The following PARP8 variants were observed in gnomAD, a reference collection of about 807,000 sequenced individuals.
The protein encoded by PARP8 is protein mono-ADP-ribosyltransferase PARP8.
PARP8 carries 51 observed loss-of-function variants against 124.1 expected under a neutral mutation model. The observed-to-expected ratio is 0.41, with a 90% CI of 0.33 to 0.52. The LOEUF is 0.52. PARP8 is among the 20% of genes least tolerant of loss of function. PARP8 has a pLI of 0.21. For synonymous variants in PARP8, 391 were observed against 361.5 expected (o/e 1.08, Z -0.93); for missense variants, 860 against 1,018.9 (o/e 0.84, Z 2.12).
At chr5:50,744,860 T>A (rs1758386785) in intron 2 of PARP8, 2 of 678,664 alleles carry the variant, frequency 2.9e-6, no homozygotes, top group Non-Finnish European at 5.3e-6. Context: ...CACTTATGCT[T>A]CTTGACAATA....
rs1427746170 is a variant in PARP8 at position 50,666,909 on chromosome 5, TCCTCCTCCTCCC to T, written c.-175_-164del. 12 of 1,319,664 alleles carry T rather than the reference TCCTCCTCCTCCC, an allele frequency of 9.1e-6. No homozygotes were observed. The highest frequency in any genetic ancestry group is 1.5e-5 in the South Asian group (1 of 66,592). 81.7% of individuals were successfully genotyped at this position (1,319,664 alleles called of 1,614,324 possible). On this transcript the variant is annotated 5_prime_UTR_variant, in exon 1 of 26. Coordinates refer to ENST00000281631, the MANE Select transcript of PARP8 (RefSeq NM_024615.4). ...GAATGCAAAGCCGACCTCCCCCTCC[TCCTCCTCCTCCC>T]CCTCCTCCTCCTCCTCTTCTCTCAC...
Position 50,835,000 on chromosome 5 carries a change from C to T in PARP8, c.2447C>T (p.Thr816Ile), listed in dbSNP as rs747736814. The T allele has an allele frequency of 7.4e-6, 12 of 1,612,968 alleles. No individual in the cohort carries two copies. Among genetic ancestry groups the T allele is most frequent in the Non-Finnish European group, 1.0e-5 (12 of 1,179,362 alleles). ...GTCCCCAATACTGACCATGTCTGCA[C>T]ACGATTCTTTTTCGTGTAAGTGGAA... The part of the protein sequence containing the change: ...WVVPNTDHVC[T>I]RFFFVYEDGQ... Residue 816 changes from threonine to isoleucine, a missense_variant, in exon 25 of 26, where the codon ACA becomes ATA. By Grantham distance (89) the Thr-to-Ile change is moderately conservative. Transcript: ENST00000281631.
chr5:50,688,558 T>C (rs1314283705), intron 2 of PARP8, among the ~76,000 whole-genome samples: 1 of 152,238 alleles, frequency 6.6e-6, no homozygotes, highest in Non-Finnish European at 1.5e-5. Flanking sequence ...CTACAATTCA[T>C]TTAGAACTTA....
At chr5:50,796,785 A>T (rs755084112) in intron 12 of PARP8, among the ~76,000 whole-genome samples, 197 bp from the exon 13 acceptor site, 1 of 152,200 alleles carries the variant, frequency 6.6e-6, no homozygotes, top group East Asian at 1.9e-4. Context: ...CAAAAATTGC[A>T]TTAGTAATGG....
intron 2 of PARP8, among the ~76,000 whole-genome samples, chr5:50,706,895 A>G (rs1456159061): frequency 1.3e-5 from 2 of 152,098 alleles, no homozygotes; most frequent in South Asian, 4.1e-4. Flanking sequence ...TTCAGATTCT[A>G]ATAGTGCATT....
chr5:50,814,807 G>C (rs540909069), intron 14 of PARP8, among the ~76,000 whole-genome samples: 4 of 152,228 alleles, frequency 2.6e-5, no homozygotes, highest in Admixed American at 2.0e-4. Flanking sequence ...ATAAATCAGA[G>C]GAATGACACT....
intron 2 of PARP8, among the ~76,000 whole-genome samples, chr5:50,727,601 G>A (rs1756556593): frequency 6.6e-6 from 1 of 152,106 alleles, no homozygotes; most frequent in Non-Finnish European, 1.5e-5. Context: ...ACCTTCCACT[G>A]TGCCAGGGGC....
chr5:50,822,325 C>G lies in PARP8; in HGVS notation c.1795-10C>G. 1 of 1,599,748 alleles carries G rather than the reference C, an allele frequency of 6.3e-7. No homozygotes were observed. The highest frequency in any genetic ancestry group is 1.1e-5 in the South Asian group (1 of 90,654). The stretch of plus-strand genomic sequence containing the variant: ...ATGCTGTTTTTTAACATCACTTTTT[C>G]ATTAAACAGAAAAAGAACTATGATC... On this transcript the variant is annotated splice_polypyrimidine_tract_variant and intron_variant, in intron 16 of 25. Coordinates refer to ENST00000281631, the MANE Select transcript of PARP8 (RefSeq NM_024615.4).
At chr5:50,772,188 T>A (rs1000130279) in intron 7 of PARP8, among the ~76,000 whole-genome samples, 1 of 152,194 alleles carries the variant, frequency 6.6e-6, no homozygotes, top group African/African-American at 2.4e-5. Flanking sequence ...ATTTCCTTCA[T>A]TTTTTTATGG....
intron 1 of PARP8, chr5:50,667,632 G>C (rs1419925167): frequency 1.4e-6 from 1 of 699,150 alleles, no homozygotes; most frequent in African/African-American, 1.7e-5. Context: ...AGGACCCCCG[G>C]GGGGCAGCGC....
intron 3 of PARP8, among the ~76,000 whole-genome samples, chr5:50,752,185 T>C (rs914515701): frequency 2.6e-4 from 40 of 152,128 alleles, no homozygotes; most frequent in Admixed American, 2.0e-3. Flanking sequence ...AGGTGTCATA[T>C]CTACTTTTTC....
chr5:50,700,635 C>T (rs1753495074), intron 2 of PARP8, among the ~76,000 whole-genome samples: 1 of 152,156 alleles, frequency 6.6e-6, no homozygotes, highest in Non-Finnish European at 1.5e-5. Flanking sequence ...TGCTTTAAGG[C>T]AAGTATTTAA....
chr5:50,710,852 T>C (rs1754701022), intron 2 of PARP8, among the ~76,000 whole-genome samples: 1 of 152,140 alleles, frequency 6.6e-6, no homozygotes, highest in Admixed American at 6.5e-5. Flanking sequence ...ATCTAACAGG[T>C]TCTACTTTTG....
At chr5:50,771,222 C>T (rs758553034) in intron 7 of PARP8, among the ~76,000 whole-genome samples, 1 of 151,918 alleles carries the variant, frequency 6.6e-6, no homozygotes, top group Non-Finnish European at 1.5e-5. Flanking sequence ...TGCAATGGCA[C>T]GATCTTGGCT....
intron 9 of PARP8, among the ~76,000 whole-genome samples, chr5:50,780,027 G>A (rs138266034): frequency 0.015 from 2,243 of 152,026 alleles, 58 homozygotes; most frequent in African/African-American, 0.052. Context: ...ATAAGAAAAG[G>A]AATTTCTCAT....
At position 50,829,948 on chromosome 5, in the gene PARP8, A is replaced by C; in HGVS notation, c.2220A>C (p.Ser740=). ...ATCTTAGTCCAATGTCAAGCATATC[A>C]TTTGGTTACTCAGGTAATTCCTGTA... ...GIYLSPMSSI[S]FGYSGMNKKQ... Residue 740 remains serine, a synonymous_variant, in exon 22 of 26, where the codon TCA becomes TCC. Transcript: ENST00000281631. 1 of 1,608,202 alleles carries C rather than the reference A, an allele frequency of 6.2e-7. No individual in the cohort carries two copies. The highest frequency in any genetic ancestry group is 8.5e-7 in the Non-Finnish European group (1 of 1,176,822).
intron 7 of PARP8, among the ~76,000 whole-genome samples, chr5:50,773,981 T>G (rs1761899672): frequency 6.6e-6 from 1 of 152,086 alleles, no homozygotes; most frequent in African/African-American, 2.4e-5. Context: ...CAGAGGTCCC[T>G]GCGGCCTTCC....
intron 9 of PARP8, among the ~76,000 whole-genome samples, chr5:50,783,313 G>A (rs531200544): frequency 5.0e-4 from 76 of 152,148 alleles, no homozygotes; most frequent in Non-Finnish European, 7.6e-4. Context: ...AAACCTAACC[G>A]GAAGGTAGTT....
intron 10 of PARP8, among the ~76,000 whole-genome samples, chr5:50,791,638 C>A (rs1266952694): frequency 2.6e-5 from 4 of 152,148 alleles, no homozygotes; most frequent in Non-Finnish European, 4.4e-5. Flanking sequence ...TATAGGGTAT[C>A]CTATCATTCA....
Sources: allele counts gnomAD v4.1 joint callset (sites outside exome capture counted in the v4.1 genomes callset), GRCh38; gene constraint gnomAD v4.1.1; transcripts MANE v1.5; gene names NCBI Gene and HGNC (gene_info 2026-07-23, HGNC 2026-07-21).